The following ANTXR1 variants were observed in gnomAD, a reference collection of about 807,000 sequenced individuals.
ANTXR1 encodes anthrax toxin receptor 1.
Under a neutral mutation model 78.1 loss-of-function variants are expected in ANTXR1, and 19 were observed. That is an observed-to-expected ratio of 0.24 (90% CI 0.17 to 0.36). The LOEUF is 0.36. Ranked by LOEUF, ANTXR1 falls within the 10% of genes least tolerant of loss-of-function variation. ANTXR1 has a pLI of 1.00. For missense variants in ANTXR1, 518 were observed against 718.6 expected, an observed-to-expected ratio of 0.72 and a Z score of 3.19; for synonymous variants, 273 against 260.5, an observed-to-expected ratio of 1.05 and a Z score of -0.46.
intron 17 of ANTXR1, among the ~76,000 whole-genome samples, chr2:69,196,452 C>A (rs1407283208): frequency 6.6e-6 from 1 of 152,198 alleles, no homozygotes; most frequent in African/African-American, 2.4e-5. Flanking sequence ...CAAGAAAGGT[C>A]ACAGATGAGG....
At position 69,029,677 on chromosome 2, in the gene ANTXR1, A is replaced by G. The variant is rs1202181179; in HGVS notation, c.153-10367A>G. 2.0e-5 allele frequency among the ~76,000 whole-genome samples: 3 copies of G among 152,088 alleles called. No individual in the cohort carries two copies. The East Asian group carries it at 5.8e-4, about 29-fold the overall frequency. On this transcript the variant is annotated intron_variant, in intron 1 of 17. Transcript: ENST00000303714. ...CAATAATTATAAGGTTTTGAGTGAA[A>G]TGTGATTTTAAAATTCCTTAGTCAG...
At chr2:69,124,701 T>C (rs1311788401) in intron 12 of ANTXR1, 58 bp downstream of exon 12, 2 of 1,583,822 alleles carry the variant, frequency 1.3e-6, no homozygotes, top group East Asian at 4.5e-5. Context: ...CTATCAACGT[T>C]TCTTAAGCAG....
At chr2:69,070,364 A>G (rs1670529984) in intron 3 of ANTXR1, among the ~76,000 whole-genome samples, 2 of 152,134 alleles carry the variant, frequency 1.3e-5, no homozygotes, top group African/African-American at 4.8e-5. Context: ...CTCATTTCCA[A>G]TGTAGAAGGA....
chr2:69,048,633 A>G (rs1254854790), intron 3 of ANTXR1, among the ~76,000 whole-genome samples: 1 of 152,144 alleles, frequency 6.6e-6, no homozygotes, highest in Non-Finnish European at 1.5e-5. Flanking sequence ...AACAACTTGA[A>G]CAGTTAAACT....
At chr2:69,079,542 G>A (rs1049413013) in intron 8 of ANTXR1, among the ~76,000 whole-genome samples, 1 of 152,136 alleles carries the variant, frequency 6.6e-6, no homozygotes, top group Non-Finnish European at 1.5e-5. Flanking sequence ...TATCTATCTA[G>A]TGGGACAGTT....
chr2:69,141,155 A>G (rs967576959), intron 12 of ANTXR1, among the ~76,000 whole-genome samples: 1 of 152,218 alleles, frequency 6.6e-6, no homozygotes, highest in African/African-American at 2.4e-5. Context: ...CAGAGTTTGT[A>G]CAGGGTTGTT....
rs138028242 is a variant in ANTXR1, at chr2:69,058,106, A to G, written c.297-12541A>G. Among the ~76,000 whole-genome samples the G allele has an allele frequency of 1.2e-4, 18 of 152,346 alleles. No individual in the cohort carries two copies. In the East Asian group the frequency reaches 2.9e-3, roughly 25 times the overall value. On this transcript the variant is annotated intron_variant, in intron 3 of 17. Transcript: ENST00000303714. ...CTCATGAGGTTTAAGGAAAGACGCC[A>G]TCTCCATGACATAAAAGGCAAAGTA... is the stretch of plus-strand genomic sequence containing the variant.
At chr2:69,037,364 G>A (rs184773605) in intron 1 of ANTXR1, among the ~76,000 whole-genome samples, 2 of 152,326 alleles carry the variant, frequency 1.3e-5, no homozygotes, top group East Asian at 3.9e-4. Context: ...CTGACAGAGA[G>A]GTGGACACGG....
chr2:69,169,762 C>T (rs775323286), intron 13 of ANTXR1, among the ~76,000 whole-genome samples: 3 of 152,252 alleles, frequency 2.0e-5, no homozygotes, highest in Non-Finnish European at 4.4e-5. Flanking sequence ...CAAAGACACC[C>T]GTGGGGACCA....
At chr2:69,187,746 T>G (rs1262555221) in intron 16 of ANTXR1, among the ~76,000 whole-genome samples, 1 of 150,748 alleles carries the variant, frequency 6.6e-6, no homozygotes, top group Non-Finnish European at 1.5e-5. Flanking sequence ...TGCCACCACA[T>G]CCAGCTAATT....
intron 17 of ANTXR1, among the ~76,000 whole-genome samples, chr2:69,214,128 A>G (rs1376374470): frequency 3.9e-5 from 6 of 152,268 alleles, no homozygotes; most frequent in African/African-American, 9.6e-5. Flanking sequence ...CTGAACATCC[A>G]TAACAGCCTG....
At chr2:69,029,789 GAAAA>G (rs1671474153) in intron 1 of ANTXR1, among the ~76,000 whole-genome samples, 1 of 148,938 alleles carries the variant, frequency 6.7e-6, no homozygotes, top group Non-Finnish European at 1.5e-5. Context: ...AAATATATGT[GAAAA>G]AATATATAAG....
intron 12 of ANTXR1, chr2:69,145,554 C>T (rs907540651): frequency 1.7e-5 from 24 of 1,407,348 alleles, no homozygotes; most frequent in East Asian, 2.6e-5. Context: ...GGACAGGAAA[C>T]GTTCCCTCCT....
Position 69,238,231 on chromosome 2 carries a change from A to C in ANTXR1, c.1435-6994A>C, listed in dbSNP as rs116394800. Reference sequence around the variant, plus strand: ...CATAGTTGTCCAATCAACTGGTCCAATCAACTGTGGCCAAGCTCAGGGTCA... The same window carrying C: ...CATAGTTGTCCAATCAACTGGTCCACTCAACTGTGGCCAAGCTCAGGGTCA... On this transcript the variant is annotated intron_variant, in intron 17 of 17. Transcript: ENST00000303714. Among the ~76,000 whole-genome samples the C allele has an allele frequency of 5.2e-3, 790 of 152,270 alleles. 5 individuals carry two copies. The highest frequency in any genetic ancestry group is 0.018 in the African/African-American group (744 of 41,546).
At chr2:69,234,944 C>CTATAAACAT (rs1172504483) in intron 17 of ANTXR1, among the ~76,000 whole-genome samples, 1 of 139,146 alleles carries the variant, frequency 7.2e-6, no homozygotes, top group Non-Finnish European at 1.5e-5. Flanking sequence ...AGTCCACATT[C>CTATAAACAT]TATAAACATT....
intron 1 of ANTXR1, among the ~76,000 whole-genome samples, chr2:69,020,772 C>T (rs72895406): frequency 0.011 from 1,692 of 152,292 alleles, 22 homozygotes; most frequent in African/African-American, 0.037. Flanking sequence ...TTTTCAGACA[C>T]GTCAGGTTCA....
intron 10 of ANTXR1, among the ~76,000 whole-genome samples, chr2:69,121,220 C>T (rs1046017580): frequency 7.2e-5 from 11 of 152,182 alleles, no homozygotes; most frequent in African/African-American, 1.4e-4. Flanking sequence ...TTATCTGTTT[C>T]GTTCATTGCA....
intron 14 of ANTXR1, among the ~76,000 whole-genome samples, chr2:69,174,566 A>C (rs1674069543): frequency 6.6e-6 from 1 of 152,152 alleles, no homozygotes; most frequent in Admixed American, 6.5e-5. Context: ...TGGAAGTTGC[A>C]GTGAGCCAAG....
In ANTXR1 at chr2:69,248,976, C is replaced by T. The variant is rs1196937175; in HGVS notation, c.*3491C>T. On this transcript the variant is annotated 3_prime_UTR_variant, in exon 18 of 18. Coordinates refer to ENST00000303714, the MANE Select transcript of ANTXR1 (RefSeq NM_032208.3). ...GAATTAGAATATGATTTTTAATACA[C>T]TTAACATTAAACTCTTCTAACTTTC... 6.6e-6 allele frequency: 1 copy of T among 152,152 alleles called. No homozygotes were observed. Among genetic ancestry groups the T allele is most frequent in the Non-Finnish European group, 1.5e-5 (1 of 68,036 alleles). The allele number at this position is 152,152 out of a possible 1,614,324, so 9.4% of individuals were successfully genotyped here.
Sources: gnomAD v4.1 joint callset for allele counts (sites outside exome capture counted in the v4.1 genomes callset) on GRCh38, gnomAD v4.1.1 for gene constraint, MANE v1.5 for transcripts, NCBI Gene and HGNC (gene_info 2026-07-23, HGNC 2026-07-21) for gene names.